SEMA5A: variants seen among roughly 807,000 people sequenced by gnomAD.
SEMA5A encodes semaphorin 5A.
In SEMA5A, 55 loss-of-function variants were observed where a neutral mutation model predicts 135.5. The ratio of observed to expected loss-of-function variants is 0.41; its 90% CI spans 0.33 to 0.51. The LOEUF is 0.51. Among genes scored for constraint, SEMA5A ranks in the 20% least tolerant of loss-of-function variants. SEMA5A has a pLI of 0.37. For missense variants in SEMA5A, 1,290 were observed against 1,419.9 expected (o/e 0.91, Z 1.47); for synonymous variants, 580 against 546.5 (o/e 1.06, Z -0.85).
rs374851192 is a variant in SEMA5A at position 9,218,843 on chromosome 5, C to A, written c.646+5831G>T. ...TTGGAAGGTGTCAGTAATTCAAGAACCACAGGCCCAAATAATCACTCATTT... is the reference window on the plus strand; with the variant it reads ...TTGGAAGGTGTCAGTAATTCAAGAAACACAGGCCCAAATAATCACTCATTT... On this transcript the variant is annotated intron_variant, in intron 8 of 22. Transcript: ENST00000382496. Among the ~76,000 whole-genome samples, 8 of 152,282 alleles carry A rather than the reference C, an allele frequency of 5.3e-5. No homozygotes were observed. The South Asian group carries it at 1.5e-3, about 28-fold the overall frequency.
At chr5:9,051,658 A>G (rs548507562) in intron 20 of SEMA5A, among the ~76,000 whole-genome samples, 1 of 152,308 alleles carries the variant, frequency 6.6e-6, no homozygotes. Flanking sequence ...TGCAAAAGAC[A>G]CTTTTCCTAA....
chr5:9,237,966 CA>C, intron 5 of SEMA5A, 76 bp from the exon 6 acceptor site: 1 of 1,326,850 alleles, frequency 7.5e-7, no homozygotes, highest in Non-Finnish European at 1.1e-6. Flanking sequence ...GGTAACAAGG[CA>C]CTGGTAACCA....
chr5:9,299,943 C>T (rs1277292218), intron 5 of SEMA5A, among the ~76,000 whole-genome samples: 2 of 152,122 alleles, frequency 1.3e-5, no homozygotes, highest in Non-Finnish European at 2.9e-5. Context: ...GTTCCCAATG[C>T]TGCCACCTCA....
intron 3 of SEMA5A, among the ~76,000 whole-genome samples, chr5:9,356,151 C>A (rs912491514): frequency 6.6e-6 from 1 of 152,226 alleles, no homozygotes; most frequent in African/African-American, 2.4e-5. Flanking sequence ...CCAGCCCCCA[C>A]TGAAGACGCA....
chr5:9,174,329 C>T (rs772992245), intron 11 of SEMA5A, among the ~76,000 whole-genome samples: 4 of 152,214 alleles, frequency 2.6e-5, no homozygotes, highest in Non-Finnish European at 4.4e-5. Flanking sequence ...TTACTTCCTA[C>T]TCCCAACCCT....
chr5:9,106,953 G>T (rs1375093653), intron 16 of SEMA5A, among the ~76,000 whole-genome samples: 1 of 152,240 alleles, frequency 6.6e-6, no homozygotes, highest in Admixed American at 6.5e-5. Flanking sequence ...CCTTGGGTCT[G>T]GTGTAATATC....
At chr5:9,383,535 C>T (rs943923936) in intron 2 of SEMA5A, among the ~76,000 whole-genome samples, 8 of 152,176 alleles carry the variant, frequency 5.3e-5, no homozygotes, top group Admixed American at 1.3e-4. Context: ...CCAACAGCCA[C>T]CCAGAGCCAT....
intron 1 of SEMA5A, among the ~76,000 whole-genome samples, chr5:9,543,121 A>G (rs187531033): frequency 6.3e-4 from 96 of 152,312 alleles, no homozygotes; most frequent in African/African-American, 2.2e-3. Flanking sequence ...ATTGTCCCCA[A>G]AGAGCTGGCA....
intron 5 of SEMA5A, among the ~76,000 whole-genome samples, chr5:9,296,893 CTG>C (rs70943951): frequency 0.75 from 107,834 of 143,504 alleles, 41,540 homozygotes; most frequent in East Asian, 0.89. Context: ...ATGCTCCAAA[CTG>C]TGATCTCAAA....
rs1397388169 is a variant in SEMA5A, at chr5:9,098,520, A to C, written c.2073+9620T>G. Among the ~76,000 whole-genome samples, 5 of 152,190 alleles carry C rather than the reference A, an allele frequency of 3.3e-5. No individual in the cohort carries two copies. The East Asian group carries it at 9.6e-4, about 29-fold the overall frequency. On this transcript the variant is annotated intron_variant, in intron 16 of 22. Transcript: ENST00000382496. ...ACGGAAGATGCATTTGGAAAAGAAT[A>C]TTGTCTGATTGTTTTTAAATAAACT...
chr5:9,312,007 G>T (rs1445074687), intron 5 of SEMA5A, among the ~76,000 whole-genome samples: 1 of 152,094 alleles, frequency 6.6e-6, no homozygotes, highest in Non-Finnish European at 1.5e-5. Context: ...TTTCCCAAAA[G>T]AATTTTAGTA....
chr5:9,134,046 A>G (rs1741590187), intron 13 of SEMA5A, among the ~76,000 whole-genome samples: 1 of 152,268 alleles, frequency 6.6e-6, no homozygotes, highest in East Asian at 1.9e-4. Context: ...CTTGTGAAGA[A>G]GGTGCATGCT....
chr5:9,469,028 A>G (rs2126748788), intron 1 of SEMA5A, among the ~76,000 whole-genome samples: 1 of 152,064 alleles, frequency 6.6e-6, no homozygotes, highest in South Asian at 2.1e-4. Context: ...TTTGTTTTTG[A>G]GATGAAGTCT....
chr5:9,104,431 G>A (rs565791743), intron 16 of SEMA5A, among the ~76,000 whole-genome samples: 4 of 152,256 alleles, frequency 2.6e-5, no homozygotes, highest in Admixed American at 2.0e-4. Flanking sequence ...CACCTAGTAA[G>A]TTGGGATTTG....
chr5:9,301,189 A>T (rs759895966), intron 5 of SEMA5A, among the ~76,000 whole-genome samples: 16 of 152,216 alleles, frequency 1.1e-4, no homozygotes, highest in Admixed American at 8.5e-4. Context: ...CACCAAAGGT[A>T]ATGTTTAGTA....
At chr5:9,308,722 C>T (rs1490654862) in intron 5 of SEMA5A, among the ~76,000 whole-genome samples, 1 of 152,072 alleles carries the variant, frequency 6.6e-6, no homozygotes, top group East Asian at 1.9e-4. Context: ...CCCTACACAC[C>T]CAGGTCCAAA....
At chr5:9,247,858 T>C (rs1034530494) in intron 5 of SEMA5A, among the ~76,000 whole-genome samples, 7 of 152,156 alleles carry the variant, frequency 4.6e-5, no homozygotes, top group Non-Finnish European at 7.4e-5. Flanking sequence ...CAGGATAATA[T>C]ACTCTGTTCA....
At chr5:9,373,113 T>C (rs1229228613) in intron 3 of SEMA5A, among the ~76,000 whole-genome samples, 1 of 151,966 alleles carries the variant, frequency 6.6e-6, no homozygotes. Flanking sequence ...GCACAGTGAG[T>C]GAATACGAGA....
At chr5:9,294,047 T>G (rs1332585705) in intron 5 of SEMA5A, among the ~76,000 whole-genome samples, 1 of 152,068 alleles carries the variant, frequency 6.6e-6, no homozygotes, top group East Asian at 1.9e-4. Flanking sequence ...TACATTTTAA[T>G]TAATCATTTA....
Sources: allele counts gnomAD v4.1 joint callset (sites outside exome capture counted in the v4.1 genomes callset), GRCh38; gene constraint gnomAD v4.1.1; transcripts MANE v1.5; gene names NCBI Gene and HGNC (gene_info 2026-07-23, HGNC 2026-07-21).